Variants in NEGR1 observed in about 807,000 individuals in gnomAD.
NEGR1 encodes the protein neuronal growth regulator 1, also known as IgLON family member 4.
Under a neutral mutation model 40.9 loss-of-function variants are expected in NEGR1, and 10 were observed. That is an observed-to-expected ratio of 0.24 (90% CI 0.15 to 0.42). NEGR1 has a LOEUF of 0.42. NEGR1 is among the 10% of genes least tolerant of loss of function. The probability of loss-of-function intolerance (pLI) is 1.00; values close to 1 mark genes in which losing one functional copy is unlikely to be tolerated. For synonymous variants in NEGR1, 185 were observed against 166.8 expected, an observed-to-expected ratio of 1.11 and a Z score of -0.84; for missense variants, 352 against 438.9, an observed-to-expected ratio of 0.80 and a Z score of 1.77.
intron 6 of NEGR1, among the ~76,000 whole-genome samples, chr1:71,482,351 A>AT (rs1252615524): frequency 2.0e-5 from 3 of 151,862 alleles, no homozygotes; most frequent in African/African-American, 4.8e-5. Context: ...AGGCAAAAAA[A>AT]GCACCTGCCA....
In NEGR1 at chr1:71,397,026, G is replaced by C. The variant is rs548363057; in HGVS notation, c.*10420C>G. 1.3e-5 allele frequency: 2 copies of C among 154,512 alleles called. No homozygotes were observed. Among genetic ancestry groups the C allele is most frequent in the South Asian group, 4.1e-4 (2 of 4,912 alleles). 9.6% of individuals were successfully genotyped at this position (154,512 alleles called of 1,614,324 possible). On this transcript the variant is annotated 3_prime_UTR_variant, in exon 7 of 7. Coordinates refer to ENST00000357731, the MANE Select transcript of NEGR1 (RefSeq NM_173808.3). ...GAAGAAGACAGGAAAATGTGGGAAA[G>C]TTTGGAACTTCCTAGAGACTTGTTG...
intron 1 of NEGR1, among the ~76,000 whole-genome samples, chr1:72,203,262 G>T (rs1468073277): frequency 6.6e-6 from 1 of 152,074 alleles, no homozygotes; most frequent in African/African-American, 2.4e-5. Flanking sequence ...AAGGACATTT[G>T]TAATTCATTG....
chr1:72,172,501 TAATA>T (rs1321530520), intron 1 of NEGR1, among the ~76,000 whole-genome samples: 4 of 152,192 alleles, frequency 2.6e-5, no homozygotes, highest in Non-Finnish European at 5.9e-5. Flanking sequence ...CAAGCAGCTC[TAATA>T]GTCCCTAAAA....
At chr1:72,149,615 G>A (rs529425675) in intron 1 of NEGR1, among the ~76,000 whole-genome samples, 1 of 152,064 alleles carries the variant, frequency 6.6e-6, no homozygotes, top group Non-Finnish European at 1.5e-5. Flanking sequence ...GGGTGCAGTG[G>A]CTCATGCTTG....
intron 1 of NEGR1, among the ~76,000 whole-genome samples, chr1:72,219,070 C>CGATGGATA (rs1653924558): frequency 1.3e-5 from 2 of 151,998 alleles, no homozygotes; most frequent in South Asian, 2.1e-4. Flanking sequence ...ATACAGTATC[C>CGATGGATA]ATCATACTGA....
intron 3 of NEGR1, among the ~76,000 whole-genome samples, chr1:71,712,559 C>G (rs1176534995): frequency 1.3e-5 from 2 of 152,120 alleles, no homozygotes; most frequent in Admixed American, 6.5e-5. Flanking sequence ...ATAACTTTGA[C>G]TTTTCTGGCG....
At position 72,177,090 on chromosome 1, in the gene NEGR1, T is replaced by A. The variant is rs575880394; in HGVS notation, c.176+105229A>T. Among the ~76,000 whole-genome samples the A allele has an allele frequency of 2.1e-3, 314 of 152,238 alleles. 1 individual carries two copies. The highest frequency in any genetic ancestry group is 7.2e-3 in the African/African-American group (300 of 41,570). ...AATAGTGAAAATCTAATATTCATTG[T>A]GGACCTATTATTTGTCAGAAATCGA... On this transcript the variant is annotated intron_variant, in intron 1 of 6. Transcript: ENST00000357731.
chr1:71,629,936 C>T (rs942718226), intron 4 of NEGR1, among the ~76,000 whole-genome samples: 7 of 151,804 alleles, frequency 4.6e-5, no homozygotes, highest in African/African-American at 1.4e-4. Flanking sequence ...GACATCAATG[C>T]CTTTTTCTCA....
chr1:71,830,042 C>A (rs1376696051), intron 2 of NEGR1, among the ~76,000 whole-genome samples: 1 of 151,804 alleles, frequency 6.6e-6, no homozygotes, highest in African/African-American at 2.4e-5. Context: ...TTACACAAAT[C>A]GGACCCCAAT....
intron 6 of NEGR1, among the ~76,000 whole-genome samples, chr1:71,531,075 A>G (rs766956379): frequency 1.7e-4 from 26 of 151,066 alleles, no homozygotes; most frequent in Non-Finnish European, 3.7e-4. Flanking sequence ...CTCTGAGTAT[A>G]GAGTGGTTAA....
chr1:71,694,655 A>T (rs1653414151), intron 4 of NEGR1, among the ~76,000 whole-genome samples: 1 of 151,794 alleles, frequency 6.6e-6, no homozygotes, highest in Non-Finnish European at 1.5e-5. Flanking sequence ...TATTTTCTAT[A>T]TATAGTGAAC....
At chr1:72,100,278 C>T (rs1349296594) in intron 1 of NEGR1, among the ~76,000 whole-genome samples, 1 of 152,154 alleles carries the variant, frequency 6.6e-6, no homozygotes, top group African/African-American at 2.4e-5. Flanking sequence ...ACTTTCTATA[C>T]TAGCCCCTGC....
At chr1:71,867,695 A>C (rs1054792775) in intron 2 of NEGR1, among the ~76,000 whole-genome samples, 2 of 152,158 alleles carry the variant, frequency 1.3e-5, no homozygotes, top group Non-Finnish European at 2.9e-5. Context: ...GAAATGTAAA[A>C]AATCCAAAAT....
At chr1:72,205,322 C>A (rs542253688) in intron 1 of NEGR1, among the ~76,000 whole-genome samples, 3 of 151,686 alleles carry the variant, frequency 2.0e-5, no homozygotes, top group South Asian at 2.1e-4. Context: ...TATGGAAAAA[C>A]CAAATTGGGT....
At chr1:71,970,423 G>A (rs774152771) in intron 1 of NEGR1, among the ~76,000 whole-genome samples, 5 of 152,138 alleles carry the variant, frequency 3.3e-5, no homozygotes, top group Admixed American at 6.5e-5. Flanking sequence ...GGGACTAGGG[G>A]CTCACACCTG....
At chr1:72,220,982 C>A (rs912361012) in intron 1 of NEGR1, among the ~76,000 whole-genome samples, 1 of 149,350 alleles carries the variant, frequency 6.7e-6, no homozygotes, top group Non-Finnish European at 1.5e-5. Context: ...ATAAAATTAC[C>A]ATAATCTAGG....
At chr1:71,920,051 A>G (rs1218904931) in intron 2 of NEGR1, among the ~76,000 whole-genome samples, 1 of 152,088 alleles carries the variant, frequency 6.6e-6, no homozygotes, top group Non-Finnish European at 1.5e-5. Context: ...GAGCTCAGCA[A>G]TTATAGCCTC....
intron 6 of NEGR1, among the ~76,000 whole-genome samples, chr1:71,425,875 C>CA (rs1393691634): frequency 2.6e-5 from 4 of 152,062 alleles, no homozygotes; most frequent in Admixed American, 6.6e-5. Flanking sequence ...AAAATCAGGA[C>CA]AAAAAACACC....
At chr1:71,740,589 G>A (rs1195390167) in intron 3 of NEGR1, among the ~76,000 whole-genome samples, 1 of 152,076 alleles carries the variant, frequency 6.6e-6, no homozygotes, top group Non-Finnish European at 1.5e-5. Flanking sequence ...AGTACAGTGG[G>A]GGTTTGGGTA....
Sources: gnomAD v4.1 joint callset for allele counts (sites outside exome capture counted in the v4.1 genomes callset) on GRCh38, gnomAD v4.1.1 for gene constraint, MANE v1.5 for transcripts, NCBI Gene and HGNC (gene_info 2026-07-23, HGNC 2026-07-21) for gene names.